KLHL1: variants seen among roughly 807,000 people sequenced by gnomAD.
KLHL1 encodes the protein kelch like family member 1.
A neutral mutation model predicts 77.7 loss-of-function variants in KLHL1; 47 were observed. The observed-to-expected ratio is 0.60, with a 90% CI of 0.48 to 0.77. The LOEUF (loss-of-function observed/expected upper bound fraction) is 0.77. KLHL1 is among the 30% of genes least tolerant of loss of function. The pLI, the probability that KLHL1 is intolerant of heterozygous loss-of-function variation, is 0.00. For synonymous variants in KLHL1, 360 were observed against 325.2 expected (o/e 1.11, Z -1.15); for missense variants, 925 against 910.8 (o/e 1.02, Z -0.20).
intron 1 of KLHL1, among the ~76,000 whole-genome samples, chr13:69,986,811 T>C (rs73514723): frequency 0.16 from 23,630 of 151,946 alleles, 3,892 homozygotes; most frequent in African/African-American, 0.42. Context: ...GATGTCAAGA[T>C]ACTTGATGTG....
chr13:69,710,088 T>A (rs1875809685), intron 9 of KLHL1, among the ~76,000 whole-genome samples: 1 of 151,460 alleles, frequency 6.6e-6, no homozygotes, highest in Non-Finnish European at 1.5e-5. Context: ...AATATAAGTA[T>A]ATATATATAC....
At chr13:69,970,023 G>C (rs921033742) in intron 2 of KLHL1, among the ~76,000 whole-genome samples, 1 of 152,074 alleles carries the variant, frequency 6.6e-6, no homozygotes, top group African/African-American at 2.4e-5. Context: ...AGCGAAAGCT[G>C]TGCAGACTTC....
intron 1 of KLHL1, among the ~76,000 whole-genome samples, chr13:70,028,876 T>C (rs1385851971): frequency 1.3e-5 from 2 of 151,608 alleles, no homozygotes; most frequent in Admixed American, 6.6e-5. Flanking sequence ...ACTTACAAGA[T>C]TGAGGTGGGA....
chr13:69,875,704 G>A (rs541847703), intron 5 of KLHL1, among the ~76,000 whole-genome samples: 3 of 152,090 alleles, frequency 2.0e-5, no homozygotes, highest in Non-Finnish European at 2.9e-5. Context: ...TAACTTGAAC[G>A]GTGAATGTCA....
At chr13:69,856,228 C>A (rs1405448814) in intron 5 of KLHL1, among the ~76,000 whole-genome samples, 1 of 151,940 alleles carries the variant, frequency 6.6e-6, no homozygotes, top group African/African-American at 2.4e-5. Context: ...TCCTTCATTT[C>A]AAAGGGCAGG....
chr13:70,051,894 C>A (rs563409449), intron 1 of KLHL1, among the ~76,000 whole-genome samples: 8 of 151,352 alleles, frequency 5.3e-5, no homozygotes, highest in Non-Finnish European at 1.2e-4. Context: ...CAATGCTAAA[C>A]TGAGAATTTA....
At chr13:69,807,552 C>T (rs1054938710) in intron 6 of KLHL1, among the ~76,000 whole-genome samples, 2 of 152,156 alleles carry the variant, frequency 1.3e-5, no homozygotes, top group Non-Finnish European at 2.9e-5. Context: ...CCATGTAGTT[C>T]ACCTGAGAGG....
At chr13:69,838,078 A>C (rs1219523393) in intron 6 of KLHL1, among the ~76,000 whole-genome samples, 1 of 151,794 alleles carries the variant, frequency 6.6e-6, no homozygotes, top group Non-Finnish European at 1.5e-5. Flanking sequence ...ACAACAAATG[A>C]GAATGTGTCA....
At chr13:69,821,414 A>G (rs1427856728) in intron 6 of KLHL1, among the ~76,000 whole-genome samples, 1 of 152,080 alleles carries the variant, frequency 6.6e-6, no homozygotes, top group Non-Finnish European at 1.5e-5. Context: ...TCCCAGGTTC[A>G]AGCAATTCTC....
At chr13:69,707,137 T>A (rs536043305) in intron 10 of KLHL1, among the ~76,000 whole-genome samples, 1 of 152,114 alleles carries the variant, frequency 6.6e-6, no homozygotes, top group South Asian at 2.1e-4. Context: ...AGTTTCTGTT[T>A]ATGGCTGTGG....
At chr13:69,815,198 A>G (rs1280820682) in intron 6 of KLHL1, among the ~76,000 whole-genome samples, 1 of 152,228 alleles carries the variant, frequency 6.6e-6, no homozygotes, top group Admixed American at 6.5e-5. Flanking sequence ...CAATCTCATT[A>G]CTGGGTATAT....
intron 4 of KLHL1, among the ~76,000 whole-genome samples, chr13:69,934,254 A>G (rs1466380576): frequency 2.6e-5 from 4 of 152,166 alleles, no homozygotes; most frequent in Non-Finnish European, 5.9e-5. Context: ...CTTATGTGCC[A>G]AGCACGATGG....
At chr13:69,927,178 C>T (rs545310547) in intron 4 of KLHL1, among the ~76,000 whole-genome samples, 4 of 151,992 alleles carry the variant, frequency 2.6e-5, no homozygotes, top group Non-Finnish European at 5.9e-5. Flanking sequence ...CTGTTACACA[C>T]GCAAAATGTA....
At chr13:70,048,953 C>CT (rs1408860164) in intron 1 of KLHL1, among the ~76,000 whole-genome samples, 1 of 152,150 alleles carries the variant, frequency 6.6e-6, no homozygotes, top group Non-Finnish European at 1.5e-5. Flanking sequence ...ATTTTATCTA[C>CT]TTTTGTTTTG....
At chr13:70,016,882 A>G (rs1885672676) in intron 1 of KLHL1, among the ~76,000 whole-genome samples, 1 of 151,988 alleles carries the variant, frequency 6.6e-6, no homozygotes, top group Non-Finnish European at 1.5e-5. Context: ...ATCAGCATGT[A>G]CTTCCTCCTT....
rs1268883107 is a variant in KLHL1, at chr13:69,839,153, C to T, written c.1237G>A (p.Asp413Asn). The T allele has an allele frequency of 6.3e-7, 1 of 1,594,510 alleles. No homozygotes were observed. The highest frequency in any genetic ancestry group is 1.7e-5 in the Admixed American group (1 of 58,284). Residue 413 changes from aspartate (D) to asparagine (N), a missense_variant, in exon 6 of 11, where the codon GAC becomes AAC. Physicochemically the swap from Asp to Asn is conservative, Grantham distance 23. Transcript: ENST00000377844. ...LPLLPPQILA[D>N]LENHALFKND... is the part of the protein sequence containing the mutation. ...TTAAATAATGCATGATTTTCTAGGT[C>T]AGCCAATATCTGTGAATAATACACA...
intron 4 of KLHL1, among the ~76,000 whole-genome samples, chr13:69,885,187 GCCT>G: frequency 7.3e-6 from 1 of 136,596 alleles, no homozygotes; most frequent in East Asian, 1.9e-4. Context: ...TGATCCACCC[GCCT>G]CGGCCTCCCA....
At chr13:69,999,440 A>AT (rs1283454801) in intron 1 of KLHL1, among the ~76,000 whole-genome samples, 1 of 152,068 alleles carries the variant, frequency 6.6e-6, no homozygotes, top group African/African-American at 2.4e-5. Flanking sequence ...TAATACATAC[A>AT]TTTTTTGCTT....
intron 3 of KLHL1, among the ~76,000 whole-genome samples, chr13:69,945,650 A>G: frequency 6.6e-6 from 1 of 152,194 alleles, no homozygotes; most frequent in East Asian, 1.9e-4. Context: ...AAAATATATG[A>G]ACAAAAAATG....
Sources: allele counts gnomAD v4.1 joint callset (sites outside exome capture counted in the v4.1 genomes callset), GRCh38; gene constraint gnomAD v4.1.1; transcripts MANE v1.5; gene names NCBI Gene and HGNC (gene_info 2026-07-23, HGNC 2026-07-21).